The following TSNARE1 variants were observed in gnomAD, a reference collection of about 807,000 sequenced individuals.
TSNARE1 encodes t-SNARE domain-containing protein 1.
Under a neutral mutation model 62.0 loss-of-function variants are expected in TSNARE1, and 49 were observed. The observed-to-expected ratio is 0.79, with a 90% CI of 0.63 to 1.00. The LOEUF is 1.00. Ranked by LOEUF, TSNARE1 falls within the 50% of genes least tolerant of loss-of-function variation. The pLI is 0.00. For synonymous variants in TSNARE1, 328 were observed against 294.4 expected (o/e 1.11, Z -1.17); for missense variants, 755 against 700.1 (o/e 1.08, Z -0.88).
intron 12 of TSNARE1, among the ~76,000 whole-genome samples, chr8:142,261,765 A>AG (rs1818901530): frequency 6.6e-6 from 1 of 152,076 alleles, no homozygotes; most frequent in East Asian, 1.9e-4. Context: ...ACGGGCATAG[A>AG]GGGGTCTGAG....
intron 12 of TSNARE1, among the ~76,000 whole-genome samples, chr8:142,264,508 C>T (rs1332579347): frequency 3.9e-5 from 6 of 152,186 alleles, no homozygotes; most frequent in Non-Finnish European, 5.9e-5. Flanking sequence ...TCTAAAACAA[C>T]GTGCTGAAAC....
At chr8:142,270,502 A>T (rs1586913325) in intron 12 of TSNARE1, 2 of 884,590 alleles carry the variant, frequency 2.3e-6, no homozygotes, top group Non-Finnish European at 2.6e-6. Flanking sequence ...ATATATATAT[A>T]TTTATGTATT....
intron 1 of TSNARE1, among the ~76,000 whole-genome samples, chr8:142,385,464 A>G (rs959406260): frequency 2.0e-5 from 3 of 152,248 alleles, no homozygotes; most frequent in Non-Finnish European, 1.5e-5. Flanking sequence ...ATTTAAGACT[A>G]AAACAAATGT....
chr8:142,231,252 C>T (rs183525902), intron 12 of TSNARE1, among the ~76,000 whole-genome samples: 82 of 152,336 alleles, frequency 5.4e-4, no homozygotes, highest in Non-Finnish European at 1.0e-3. Context: ...ACATTGCTAC[C>T]TGTGTTCTTG....
chr8:142,252,477 G>A (rs1310434793), intron 12 of TSNARE1, among the ~76,000 whole-genome samples: 4 of 152,248 alleles, frequency 2.6e-5, no homozygotes, highest in African/African-American at 7.2e-5. Flanking sequence ...TGCTGCCGGC[G>A]ACAGTGGTCA....
chr8:142,214,262 C>A (rs903670747), intron 13 of TSNARE1, among the ~76,000 whole-genome samples: 1 of 152,188 alleles, frequency 6.6e-6, no homozygotes, highest in Non-Finnish European at 1.5e-5. Context: ...TCCCCACCCA[C>A]AGCTCCAGCC....
chr8:142,304,163 C>T (rs188889797), intron 9 of TSNARE1, among the ~76,000 whole-genome samples: 248 of 152,356 alleles, frequency 1.6e-3, no homozygotes, highest in African/African-American at 5.8e-3. Flanking sequence ...AAGCGCAACT[C>T]GTCCAAGGTG....
Position 142,331,850 on chromosome 8 carries a change from G to A in TSNARE1, c.746-19C>T, listed in dbSNP as rs1265049736. The A allele has an allele frequency of 1.2e-6, 2 of 1,600,064 alleles. No individual in the cohort carries two copies. Among genetic ancestry groups the A allele is most frequent in the Admixed American group, 3.4e-5 (2 of 58,250 alleles). On this transcript the variant is annotated intron_variant, in intron 4 of 13. Transcript: ENST00000524325. ...TGGGTGGCTGGGAGAAGACAGGGAG[G>A]AGGAAAGAACACAGGCTAAGGGTGA...
Position 142,217,902 on chromosome 8 carries a change from G to A in TSNARE1, c.*12-5589C>T, listed in dbSNP as rs111461622. On this transcript the variant is annotated intron_variant, in intron 13 of 13. Transcript: ENST00000524325. ...GGATCAGGGCTCAGTGTGTGACCAGGATCAGGGCTCAGAGTGTGAACAGGA... is the reference window on the plus strand; with the variant it reads ...GGATCAGGGCTCAGTGTGTGACCAGAATCAGGGCTCAGAGTGTGAACAGGA... Among the ~76,000 whole-genome samples, 127 of 53,300 alleles carry A rather than the reference G, an allele frequency of 2.4e-3. 9 individuals carry two copies. Among genetic ancestry groups the A allele is most frequent in the Middle Eastern group, 8.8e-3 (1 of 114 alleles). The allele number at this position is 53,300 out of a possible 152,430, so 35.0% of individuals were successfully genotyped here.
intron 9 of TSNARE1, among the ~76,000 whole-genome samples, chr8:142,306,545 C>T (rs1826702298): frequency 1.3e-5 from 2 of 152,324 alleles, no homozygotes; most frequent in African/African-American, 4.8e-5. Context: ...ATCGCCAACT[C>T]CACACAGGCT....
At chr8:142,277,539 C>T (rs955845287) in intron 11 of TSNARE1, 6 of 985,350 alleles carry the variant, frequency 6.1e-6, no homozygotes, top group African/African-American at 5.2e-5. Context: ...GCTGGGATGC[C>T]CCCACCCTGT....
intron 1 of TSNARE1, among the ~76,000 whole-genome samples, chr8:142,377,686 TG>T (rs1836447924): frequency 6.6e-6 from 1 of 152,094 alleles, no homozygotes; most frequent in African/African-American, 2.4e-5. Flanking sequence ...ACACAGCTTG[TG>T]GGGGTGCGAA....
At chr8:142,271,599 G>C (rs536215362) in intron 12 of TSNARE1, 4 of 1,432,052 alleles carry the variant, frequency 2.8e-6, no homozygotes, top group East Asian at 5.8e-5. Flanking sequence ...AAGACTCCTC[G>C]TAAGTCCAGG....
At chr8:142,283,160 T>G (rs13275517) in intron 11 of TSNARE1, among the ~76,000 whole-genome samples, 3 of 122,844 alleles carry the variant, frequency 2.4e-5, no homozygotes, top group Non-Finnish European at 1.8e-5. Flanking sequence ...TGAGCAGAGG[T>G]GGGGCCAGTG....
At chr8:142,334,385 G>C (rs1246624985) in intron 4 of TSNARE1, among the ~76,000 whole-genome samples, 1 of 151,804 alleles carries the variant, frequency 6.6e-6, no homozygotes, top group African/African-American at 2.4e-5. Context: ...GCTCTGACAG[G>C]AGCACAAGAA....
intron 9 of TSNARE1, among the ~76,000 whole-genome samples, chr8:142,309,077 T>TG (rs1827168448): frequency 6.6e-6 from 1 of 152,234 alleles, no homozygotes; most frequent in South Asian, 2.1e-4. Context: ...ATATCAGTCT[T>TG]TAAATTTCCT....
Position 142,365,875 on chromosome 8 carries a change from A to G in TSNARE1, c.-39-11112T>C, listed in dbSNP as rs370730742. The G allele has an allele frequency of 1.1e-5, 5 of 444,836 alleles. No individual in the cohort carries two copies. In the Admixed American group the frequency reaches 1.3e-4, roughly 11 times the overall value. The allele number at this position is 444,836 out of a possible 1,614,324, so 27.6% of individuals were successfully genotyped here. A position where few individuals can be genotyped will look rare whatever the true frequency, so the allele number is the denominator to read the frequency against. On this transcript the variant is annotated intron_variant, in intron 1 of 13. Coordinates refer to ENST00000524325, the MANE Select transcript of TSNARE1 (RefSeq NM_145003.5). ...GAAAAGTGCAAAACATTACTAAAAG[A>G]AAGTGAAGAACATGTAAATGAGTGA...
chr8:142,240,478 T>C (rs1338145947), intron 12 of TSNARE1, among the ~76,000 whole-genome samples: 3 of 152,320 alleles, frequency 2.0e-5, no homozygotes, highest in Middle Eastern at 3.4e-3. Flanking sequence ...AGATCTGAAC[T>C]ACAAAGTTAA....
intron 1 of TSNARE1, 130 bp from the exon 2 acceptor site, chr8:142,354,893 G>A: frequency 1.7e-6 from 1 of 587,032 alleles, no homozygotes; most frequent in South Asian, 2.0e-5. Context: ...CCATTCCCTA[G>A]GCTACTCCAG....
Sources: allele counts gnomAD v4.1 joint callset (sites outside exome capture counted in the v4.1 genomes callset), GRCh38; gene constraint gnomAD v4.1.1; transcripts MANE v1.5; gene names NCBI Gene and HGNC (gene_info 2026-07-23, HGNC 2026-07-21).